Variants in MCF2L observed in about 807,000 individuals in gnomAD.
The protein encoded by MCF2L is guanine nucleotide exchange factor DBS.
MCF2L carries 97 observed loss-of-function variants against 153.4 expected under a neutral mutation model. The ratio of observed to expected loss-of-function variants is 0.63; its 90% CI spans 0.54 to 0.75. MCF2L has a LOEUF of 0.75. MCF2L is among the 30% of genes least tolerant of loss of function. MCF2L has a pLI of 0.00. For synonymous variants in MCF2L, 659 were observed against 632.2 expected (o/e 1.04, Z -0.64); for missense variants, 1,347 against 1,495.2 (o/e 0.90, Z 1.64).
chr13:112,916,778 C>T (rs964312270), intron 2 of MCF2L, among the ~76,000 whole-genome samples: 3 of 152,160 alleles, frequency 2.0e-5, no homozygotes, highest in Non-Finnish European at 2.9e-5. Flanking sequence ...TCACGCCTTG[C>T]TTCTCCCCTC....
intron 2 of MCF2L, among the ~76,000 whole-genome samples, chr13:112,940,604 A>G (rs554696680): frequency 1.3e-5 from 2 of 152,406 alleles, no homozygotes; most frequent in East Asian, 1.9e-4. Flanking sequence ...CTCGTGTGCC[A>G]ACACTTGAAT....
chr13:112,926,483 G>A (rs1290166182), intron 2 of MCF2L, among the ~76,000 whole-genome samples: 1 of 152,180 alleles, frequency 6.6e-6, no homozygotes, highest in African/African-American at 2.4e-5. Flanking sequence ...ACACAGCGGA[G>A]TGCTGCACGG....
chr13:113,081,961 G>A (rs1198031182), intron 16 of MCF2L, among the ~76,000 whole-genome samples: 1 of 147,676 alleles, frequency 6.8e-6, no homozygotes, highest in African/African-American at 2.6e-5. Context: ...GACAGCGAGT[G>A]TGCACATGTG....
intron 2 of MCF2L, among the ~76,000 whole-genome samples, chr13:112,911,034 C>T (rs1218059238): frequency 6.6e-6 from 1 of 152,184 alleles, no homozygotes; most frequent in Non-Finnish European, 1.5e-5. Context: ...GGGGCTGACT[C>T]TCTCGCCCCT....
chr13:112,901,253 A>C (rs573855561), intron 1 of MCF2L, among the ~76,000 whole-genome samples: 1 of 152,300 alleles, frequency 6.6e-6, no homozygotes, highest in South Asian at 2.1e-4. Flanking sequence ...TCCTGGGTTC[A>C]AGTGATTCTC....
intron 26 of MCF2L, among the ~76,000 whole-genome samples, chr13:113,092,061 A>G (rs1473906067): frequency 6.6e-6 from 1 of 152,180 alleles, no homozygotes; most frequent in East Asian, 1.9e-4. Flanking sequence ...TGCTGCTTCG[A>G]GGCCCCAGGA....
At chr13:113,029,697 G>A (rs936198746) in intron 3 of MCF2L, among the ~76,000 whole-genome samples, 14 of 152,334 alleles carry the variant, frequency 9.2e-5, no homozygotes, top group South Asian at 4.1e-4. Context: ...ATTGCGGCTC[G>A]GTCCCGGGAC....
At position 112,983,755 on chromosome 13, in the gene MCF2L, C is replaced by T. The variant is rs539648014; in HGVS notation, c.79+14297C>T. ...GTGTCTGCAGCCTCCTGGGCCTTCC[C>T]TTCTGCCTGGCTTCCTCCTCCTCCA... On this transcript the variant is annotated intron_variant, in intron 1 of 29. Coordinates refer to ENST00000535094, the MANE Select transcript of MCF2L (RefSeq NM_001112732.3). This position sits in a 1 kb window ranked among gnomAD's most constrained non-coding sequence, Gnocchi z 4.0. Among the ~76,000 whole-genome samples the T allele has an allele frequency of 1.3e-5, 2 of 152,322 alleles. No individual in the cohort carries two copies. The highest frequency in any genetic ancestry group is 4.8e-5 in the African/African-American group (2 of 41,574).
At chr13:112,958,673 C>T (rs1383822924) in intron 2 of MCF2L, among the ~76,000 whole-genome samples, 1 of 152,200 alleles carries the variant, frequency 6.6e-6, no homozygotes, top group Admixed American at 6.5e-5. Flanking sequence ...CATTTGCTGT[C>T]TCCTAGGGTT....
rs373112614 is a variant in MCF2L at position 113,065,081 on chromosome 13, C to T, written c.752C>T (p.Ala251Val). 7.5e-6 allele frequency: 12 copies of T among 1,601,472 alleles called. No homozygotes were observed. Among genetic ancestry groups the T allele is most frequent in the Non-Finnish European group, 1.0e-5 (12 of 1,177,488 alleles). Residue 251 changes from alanine to valine, a missense_variant, in exon 7 of 30, where the codon GCG becomes GTG. Ala to Val is a moderately conservative substitution (Grantham distance 64). This residue lies in a region of MCF2L where 820 missense variants were observed against 921.2 expected (regional missense o/e 0.89). Coordinates refer to ENST00000535094, the MANE Select transcript of MCF2L (RefSeq NM_001112732.3). ...LCAHTEKKDK[A>V]KEDLRLALKE... Reference sequence around the variant, plus strand: ...GCGCACACAGAGAAGAAGGACAAGGCGAAGGTACATGGGGGGTGCTCCGGC... The same window carrying T: ...GCGCACACAGAGAAGAAGGACAAGGTGAAGGTACATGGGGGGTGCTCCGGC...
Position 112,911,109 on chromosome 13 carries a change from AC to A in MCF2L, c.169+8743del, listed in dbSNP as rs1368439193. 4.6e-5 allele frequency among the ~76,000 whole-genome samples: 7 copies of A among 151,630 alleles called. No individual in the cohort carries two copies. In the East Asian group the frequency reaches 9.7e-4, roughly 21 times the overall value. On this transcript the variant is annotated intron_variant, in intron 2 of 29. Coordinates refer to the MCF2L transcript ENST00000375608. ...TGCATGGTGATGGAGCTGGTGTTGAACCCCCGCGGGTCTTCGGGAGCTCGTC... is the reference window on the plus strand; with the variant it reads ...TGCATGGTGATGGAGCTGGTGTTGAACCCCGCGGGTCTTCGGGAGCTCGTC...
intron 15 of MCF2L, 87 bp from the exon 16 acceptor site, chr13:113,081,126 C>G: frequency 8.8e-7 from 1 of 1,139,260 alleles, no homozygotes; most frequent in Non-Finnish European, 1.2e-6. Context: ...GGCCATCATT[C>G]TAGGTGGCAC....
Position 113,099,164 on chromosome 13 carries a change from G to A in MCF2L, c.*2305G>A, listed in dbSNP as rs1446487174. 2 of 152,192 alleles carry A rather than the reference G, an allele frequency of 1.3e-5. No homozygotes were observed. Among genetic ancestry groups the A allele is most frequent in the East Asian group, 3.9e-4 (2 of 5,194 alleles). The allele number at this position is 152,192 out of a possible 1,614,324, so 9.4% of individuals were successfully genotyped here. A position where few individuals can be genotyped will look rare whatever the true frequency, so the allele number is the denominator to read the frequency against. On this transcript the variant is annotated 3_prime_UTR_variant, in exon 30 of 30. Coordinates refer to ENST00000535094, the MANE Select transcript of MCF2L (RefSeq NM_001112732.3). ...TTCAGGACAGTTCATAGAGTAAAGG[G>A]GGCTGCGTGGCAATCAGGAACTCAT... is the stretch of plus-strand genomic sequence containing the variant.
chr13:113,006,793 C>G (rs2083728623), intron 1 of MCF2L, among the ~76,000 whole-genome samples: 2 of 152,238 alleles, frequency 1.3e-5, no homozygotes, highest in African/African-American at 4.8e-5. Context: ...ACGCCCCGAG[C>G]ATCTGGCCCA....
intron 2 of MCF2L, among the ~76,000 whole-genome samples, chr13:112,905,906 G>A (rs1171391687): frequency 6.6e-6 from 1 of 152,154 alleles, no homozygotes; most frequent in East Asian, 1.9e-4. Context: ...CCCAGAAGTG[G>A]AATTGCCGCA....
chr13:112,932,259 GTCC>G lies in MCF2L; in HGVS notation c.169+29895_169+29897del, dbSNP rs2081472039. Among the ~76,000 whole-genome samples, 1 of 152,130 alleles carries G rather than the reference GTCC, an allele frequency of 6.6e-6. No homozygotes were observed. Among genetic ancestry groups the G allele is most frequent in the Non-Finnish European group, 1.5e-5 (1 of 68,020 alleles). On this transcript the variant is annotated intron_variant, in intron 2 of 29. Coordinates refer to the MCF2L transcript ENST00000375608. The surrounding 1 kb of genome is among the most constrained non-coding windows in gnomAD (Gnocchi z 4.6). ...ACCGGGATGGCACTTTACCTCTGTAGTCCTCCTCCCCAAGCACATCCTCCCCAC... is the reference window on the plus strand; with the variant it reads ...ACCGGGATGGCACTTTACCTCTGTAGTCCTCCCCAAGCACATCCTCCCCAC...
chr13:112,911,067 C>T (rs371141875), intron 2 of MCF2L, among the ~76,000 whole-genome samples: 15 of 152,218 alleles, frequency 9.9e-5, no homozygotes, highest in African/African-American at 2.9e-4. Context: ...GGCCGCTCCC[C>T]GGCGTCAGCT....
At chr13:112,995,639 C>T (rs1450181039) in intron 1 of MCF2L, among the ~76,000 whole-genome samples, 1 of 152,160 alleles carries the variant, frequency 6.6e-6, no homozygotes, top group Admixed American at 6.5e-5. Context: ...CGTGTGGGAC[C>T]GTGCGGGATG....
In MCF2L at chr13:113,060,694, C is replaced by A. The variant is rs559985784; in HGVS notation, c.471C>A (p.Asp157Glu). Residue 157 changes from aspartate (D) to glutamate (E), a missense_variant, in exon 5 of 30, where the codon GAC becomes GAA. By Grantham distance (45) the Asp-to-Glu change is conservative. Transcript: ENST00000535094. ...TCGCTTTCAAATTCAATAGAGATGA[C>A]TTTAAGATGAAGGTGCCGGTAAGTG... ...SDIAFKFNRDDFKMKVPVIML... is the reference protein window; with the variant it reads ...SDIAFKFNRDEFKMKVPVIML... 1.2e-5 allele frequency: 19 copies of A among 1,613,480 alleles called. No individual in the cohort carries two copies. Among genetic ancestry groups the A allele is most frequent in the Non-Finnish European group, 1.6e-5 (19 of 1,179,944 alleles).
Sources: allele counts gnomAD v4.1 joint callset (sites outside exome capture counted in the v4.1 genomes callset), GRCh38; gene constraint gnomAD v4.1.1; regional missense constraint gnomAD v4.1.1; non-coding constraint Gnocchi (gnomAD v3.1); transcripts MANE v1.5; gene names NCBI Gene and HGNC (gene_info 2026-07-23, HGNC 2026-07-21).